The following CYB5R4 variants were observed in gnomAD, a reference collection of about 807,000 sequenced individuals.
The protein encoded by CYB5R4 is cytochrome b5 reductase 4.
A neutral mutation model predicts 70.2 loss-of-function variants in CYB5R4; 55 were observed. The ratio of observed to expected loss-of-function variants is 0.78; its 90% confidence interval spans 0.63 to 0.98. The LOEUF (loss-of-function observed/expected upper bound fraction) is 0.98. Among genes scored for constraint, CYB5R4 ranks in the 50% least tolerant of loss-of-function variants. CYB5R4 has a pLI of 0.00. For synonymous variants in CYB5R4, 197 were observed against 199.5 expected (o/e 0.99, Z 0.11); for missense variants, 562 against 612.6 (o/e 0.92, Z 0.87).
At chr6:83,945,830 G>A (rs1229056481) in intron 14 of CYB5R4, among the ~76,000 whole-genome samples, 1 of 152,136 alleles carries the variant, frequency 6.6e-6, no homozygotes, top group African/African-American at 2.4e-5. Flanking sequence ...AGAAGAAGTG[G>A]ATAAATTCCT....
chr6:83,959,274 A>G (rs1380506581), intron 15 of CYB5R4, among the ~76,000 whole-genome samples: 1 of 152,182 alleles, frequency 6.6e-6, no homozygotes, highest in Non-Finnish European at 1.5e-5. Flanking sequence ...ATGCCTCCAG[A>G]TAGAGGAACA....
intron 2 of CYB5R4, among the ~76,000 whole-genome samples, chr6:83,891,869 T>G (rs1200446854): frequency 6.6e-6 from 1 of 152,226 alleles, no homozygotes; most frequent in Non-Finnish European, 1.5e-5. Flanking sequence ...AAGAGCTGGT[T>G]GCTGAAACTC....
chr6:83,922,070 C>A (rs1457492828), intron 8 of CYB5R4, among the ~76,000 whole-genome samples: 2 of 152,138 alleles, frequency 1.3e-5, no homozygotes, highest in African/African-American at 4.8e-5. Flanking sequence ...CACATACATA[C>A]ACACACACTC....
At chr6:83,895,837 C>T (rs188012911) in intron 3 of CYB5R4, among the ~76,000 whole-genome samples, 176 of 152,288 alleles carry the variant, frequency 1.2e-3, no homozygotes, top group African/African-American at 2.7e-3. Context: ...CAGAAGTAAA[C>T]TAGAAACTAC....
intron 14 of CYB5R4, among the ~76,000 whole-genome samples, chr6:83,954,041 C>A (rs1245194054): frequency 1.3e-5 from 2 of 152,136 alleles, no homozygotes; most frequent in Non-Finnish European, 2.9e-5. Flanking sequence ...CCCCTTCTGG[C>A]ACTTTTGAAA....
rs958716040 is a variant in CYB5R4, at chr6:83,891,707, C to T, written c.230-1815C>T. On this transcript the variant is annotated intron_variant, in intron 2 of 15. Coordinates refer to ENST00000369681, the MANE Select transcript of CYB5R4 (RefSeq NM_016230.4). Reference sequence around the variant, plus strand: ...TCTGGAAAGCATGGGATACTACTCACGTCCACGGAGTGATCCTAGCCCCTA... The same window carrying T: ...TCTGGAAAGCATGGGATACTACTCATGTCCACGGAGTGATCCTAGCCCCTA... Among the ~76,000 whole-genome samples the T allele has an allele frequency of 3.9e-5, 6 of 152,138 alleles. No homozygotes were observed. The East Asian group carries it at 5.8e-4, about 15-fold the overall frequency.
intron 13 of CYB5R4, 144 bp from the exon 14 acceptor site, chr6:83,940,371 C>T: frequency 9.6e-7 from 1 of 1,045,396 alleles, no homozygotes; most frequent in Non-Finnish European, 1.3e-6. Context: ...TAACTAGGTT[C>T]TTTTATCTCA....
At chr6:83,954,487 C>G (rs1301446258) in intron 14 of CYB5R4, among the ~76,000 whole-genome samples, 1 of 152,056 alleles carries the variant, frequency 6.6e-6, no homozygotes, top group Admixed American at 6.6e-5. Flanking sequence ...GATCTTGTCA[C>G]CTAGACAATG....
intron 3 of CYB5R4, among the ~76,000 whole-genome samples, chr6:83,896,135 G>A (rs1260254580): frequency 6.6e-6 from 1 of 151,986 alleles, no homozygotes; most frequent in Non-Finnish European, 1.5e-5. Context: ...TTGTGCCCCA[G>A]TATCCAATCA....
At chr6:83,938,663 T>C (rs541585711) in intron 12 of CYB5R4, among the ~76,000 whole-genome samples, 1 of 152,342 alleles carries the variant, frequency 6.6e-6, no homozygotes, top group East Asian at 1.9e-4. Flanking sequence ...TCAGTTATCC[T>C]ATGTGAGTCT....
intron 2 of CYB5R4, among the ~76,000 whole-genome samples, chr6:83,879,012 C>T (rs929386380): frequency 6.6e-6 from 1 of 152,096 alleles, no homozygotes; most frequent in African/African-American, 2.4e-5. Flanking sequence ...AGTGCTGTTA[C>T]TTATTACTTG....
At chr6:83,953,029 T>C (rs1360126964) in intron 14 of CYB5R4, among the ~76,000 whole-genome samples, 3 of 152,178 alleles carry the variant, frequency 2.0e-5, no homozygotes, top group Non-Finnish European at 4.4e-5. Context: ...TGGAGCCTTA[T>C]AGCACTTTCG....
At chr6:83,896,340 C>G (rs1326396554) in intron 3 of CYB5R4, among the ~76,000 whole-genome samples, 1 of 152,180 alleles carries the variant, frequency 6.6e-6, no homozygotes, top group African/African-American at 2.4e-5. Context: ...TCACCCCTGA[C>G]AGGGAAGTAC....
chr6:83,925,144 T>C (rs2099467079), intron 10 of CYB5R4, among the ~76,000 whole-genome samples: 1 of 152,136 alleles, frequency 6.6e-6, no homozygotes, highest in African/African-American at 2.4e-5. Context: ...GCTTGGTTTC[T>C]GGGGAGGACT....
chr6:83,935,592 CT>C (rs1311083371), intron 11 of CYB5R4, among the ~76,000 whole-genome samples: 1 of 152,088 alleles, frequency 6.6e-6, no homozygotes, highest in South Asian at 2.1e-4. Context: ...AATGATTCTT[CT>C]CTTTGGAATT....
intron 2 of CYB5R4, among the ~76,000 whole-genome samples, chr6:83,878,383 T>C (rs1032253406): frequency 2.6e-5 from 4 of 152,074 alleles, no homozygotes; most frequent in Admixed American, 1.3e-4. Flanking sequence ...AGTCCTGCTC[T>C]GTCACCCAGG....
chr6:83,897,349 A>G (rs560533704), intron 3 of CYB5R4, among the ~76,000 whole-genome samples: 4 of 152,350 alleles, frequency 2.6e-5, no homozygotes, highest in East Asian at 1.9e-4. Flanking sequence ...ATAGTGCCAC[A>G]ATAAACATAC....
chr6:83,898,600 G>C (rs1211128703), intron 3 of CYB5R4, among the ~76,000 whole-genome samples: 2 of 152,196 alleles, frequency 1.3e-5, no homozygotes, highest in Non-Finnish European at 2.9e-5. Context: ...CCACGAGCAT[G>C]GAATGTTCTT....
chr6:83,921,372 G>A (rs573637759), intron 8 of CYB5R4, among the ~76,000 whole-genome samples, 197 bp downstream of exon 8: 19 of 152,200 alleles, frequency 1.2e-4, no homozygotes, highest in Admixed American at 1.0e-3. Context: ...CTCACCTTTC[G>A]AAGTTTAAGC....
Sources: allele counts gnomAD v4.1 joint callset (sites outside exome capture counted in the v4.1 genomes callset), GRCh38; gene constraint gnomAD v4.1.1; transcripts MANE v1.5; gene names NCBI Gene and HGNC (gene_info 2026-07-23, HGNC 2026-07-21).